OCIAD1: variants seen among roughly 807,000 people sequenced by gnomAD.
The protein encoded by OCIAD1 is OCIA domain containing 1, also known as OCIA domain-containing protein 1.
In OCIAD1, 29 loss-of-function variants were observed where a neutral mutation model predicts 38.9. The ratio of observed to expected loss-of-function variants is 0.74; its 90% CI spans 0.55 to 1.02. The LOEUF is 1.02. Ranked by LOEUF, OCIAD1 falls within the 50% of genes least tolerant of loss-of-function variation. The pLI is 0.00. For missense variants in OCIAD1, 288 were observed against 289.6 expected (o/e 0.99, Z 0.04); for synonymous variants, 110 against 92.0 (o/e 1.20, Z -1.12).
At chr4:48,855,079 A>C (rs1427332748) in intron 7 of OCIAD1, among the ~76,000 whole-genome samples, 2 of 152,198 alleles carry the variant, frequency 1.3e-5, no homozygotes, top group African/African-American at 4.8e-5. Flanking sequence ...TTTGTTCCAG[A>C]ATTTTATAAT....
intron 4 of OCIAD1, among the ~76,000 whole-genome samples, chr4:48,844,797 C>A (rs1451216989): frequency 1.3e-5 from 2 of 152,008 alleles, no homozygotes; most frequent in African/African-American, 4.8e-5. Flanking sequence ...TGATATAAAA[C>A]GGCCTAGTAA....
At chr4:48,857,058 G>C (rs2109621246) in intron 7 of OCIAD1, 155 bp from the exon 8 acceptor site, 1 of 379,622 alleles carries the variant, frequency 2.6e-6, no homozygotes, top group Non-Finnish European at 4.8e-6. Context: ...TGATTATCTT[G>C]GTGAAAGTAT....
chr4:48,806,264 C>CAATA (rs559601312), intron 1 of OCIAD1, among the ~76,000 whole-genome samples: 24 of 151,828 alleles, frequency 1.6e-4, no homozygotes, highest in Non-Finnish European at 2.4e-4. Flanking sequence ...CACTCTGTCT[C>CAATA]AATAAATAAA....
At chr4:48,808,742 G>C (rs539717473) in intron 1 of OCIAD1, among the ~76,000 whole-genome samples, 1 of 152,176 alleles carries the variant, frequency 6.6e-6, no homozygotes, top group African/African-American at 2.4e-5. Context: ...TCTGTTTTTG[G>C]TAAATTACCC....
At position 48,842,630 on chromosome 4, in the gene OCIAD1, C is replaced by T. The variant is rs752377836; in HGVS notation, c.140-6C>T. The stretch of plus-strand genomic sequence containing the variant: ...TGATGTTAACAAGGTCTTTTTCTTC[C>T]TATAGCTGTGCCTTTGGCTGCAACA... On this transcript the variant is annotated splice_region_variant and splice_polypyrimidine_tract_variant and intron_variant, in intron 3 of 8. Coordinates refer to ENST00000264312, the MANE Select transcript of OCIAD1 (RefSeq NM_017830.4). The T allele has an allele frequency of 3.8e-6, 6 of 1,561,194 alleles. No individual in the cohort carries two copies. The South Asian group carries it at 4.8e-5, about 13-fold the overall frequency.
intron 3 of OCIAD1, among the ~76,000 whole-genome samples, chr4:48,836,196 C>T (rs1777969241): frequency 6.6e-6 from 1 of 151,880 alleles, no homozygotes; most frequent in Non-Finnish European, 1.5e-5. Context: ...TATATGTAGT[C>T]AACGATGAGA....
chr4:48,805,973 G>A (rs907377752), intron 1 of OCIAD1, among the ~76,000 whole-genome samples: 2 of 152,076 alleles, frequency 1.3e-5, no homozygotes, highest in African/African-American at 4.8e-5. Flanking sequence ...ATTTAAATTT[G>A]GAAAAACAGG....
intron 7 of OCIAD1, among the ~76,000 whole-genome samples, chr4:48,854,621 A>T (rs573699930): frequency 6.6e-6 from 1 of 152,206 alleles, no homozygotes; most frequent in Admixed American, 6.5e-5. Context: ...CCCACAGACT[A>T]CTTAGCAAGG....
At chr4:48,827,450 T>A (rs1258384595), upstream of OCIAD1, among the ~76,000 whole-genome samples, 1 of 152,224 alleles carries the variant, frequency 6.6e-6, no homozygotes, top group Non-Finnish European at 1.5e-5. Flanking sequence ...TAGAACACAT[T>A]AGTCTGAGTT....
At chr4:48,831,465 G>C in intron 1 of OCIAD1, 1 of 1,287,962 alleles carries the variant, frequency 7.8e-7, no homozygotes, top group Non-Finnish European at 1.0e-6. Flanking sequence ...TCACGGATGC[G>C]TGTGGGGTTG....
intron 1 of OCIAD1, among the ~76,000 whole-genome samples, chr4:48,816,486 T>A (rs1438362777): frequency 5.4e-5 from 8 of 148,186 alleles, no homozygotes; most frequent in African/African-American, 2.0e-4. Flanking sequence ...TGATCTGAGA[T>A]CACGCCACTG....
chr4:48,827,307 T>A (rs1266431385), upstream of OCIAD1, among the ~76,000 whole-genome samples: 4 of 152,242 alleles, frequency 2.6e-5, no homozygotes, highest in African/African-American at 9.6e-5. Context: ...TTAATTTTTT[T>A]AAGTGATGTC....
At chr4:48,805,655 G>T (rs1462837104) in intron 1 of OCIAD1, among the ~76,000 whole-genome samples, 1 of 151,492 alleles carries the variant, frequency 6.6e-6, no homozygotes, top group Non-Finnish European at 1.5e-5. Context: ...TTGTACTCCA[G>T]CCTGGGTGAC....
At chr4:48,808,152 T>C (rs1025788530) in intron 1 of OCIAD1, among the ~76,000 whole-genome samples, 1 of 152,124 alleles carries the variant, frequency 6.6e-6, no homozygotes, top group African/African-American at 2.4e-5. Flanking sequence ...AAAACCCAGA[T>C]GTTGCAAATG....
chr4:48,807,427 G>A (rs566677158), intron 1 of OCIAD1, among the ~76,000 whole-genome samples: 6 of 152,072 alleles, frequency 3.9e-5, no homozygotes, highest in Non-Finnish European at 7.4e-5. Flanking sequence ...ATTACATGCC[G>A]CCCTTGTATC....
chr4:48,853,020 C>A (rs761483565), intron 7 of OCIAD1, among the ~76,000 whole-genome samples: 2 of 151,636 alleles, frequency 1.3e-5, no homozygotes, highest in Non-Finnish European at 2.9e-5. Flanking sequence ...GCTGGGACTG[C>A]AGGTGCCCGC....
chr4:48,832,074 T>G (rs1777556637), intron 1 of OCIAD1, among the ~76,000 whole-genome samples: 1 of 152,218 alleles, frequency 6.6e-6, no homozygotes, highest in African/African-American at 2.4e-5. Flanking sequence ...AGATACAGAA[T>G]TTGCTGTTAG....
chr4:48,828,150 C>T (rs1777269403), upstream of OCIAD1, among the ~76,000 whole-genome samples: 1 of 152,114 alleles, frequency 6.6e-6, no homozygotes, highest in Non-Finnish European at 1.5e-5. Flanking sequence ...CCAATCAGCA[C>T]CCTATGTCTA....
At chr4:48,831,032 G>T (rs1579043580), upstream of OCIAD1, 1 of 203,382 alleles carries the variant, frequency 4.9e-6, no homozygotes, top group East Asian at 1.3e-4. Context: ...CCCGCAGTGA[G>T]GTCTGACGTC....
Sources: gnomAD v4.1 joint callset for allele counts (sites outside exome capture counted in the v4.1 genomes callset) on GRCh38, gnomAD v4.1.1 for gene constraint, MANE v1.5 for transcripts, NCBI Gene and HGNC (gene_info 2026-07-23, HGNC 2026-07-21) for gene names.